TOP2A: variants seen among roughly 807,000 people sequenced by gnomAD.
TOP2A encodes the protein DNA topoisomerase II alpha.
Under a neutral mutation model 187.2 loss-of-function variants are expected in TOP2A, and 68 were observed. The ratio of observed to expected loss-of-function variants is 0.36; its 90% CI spans 0.30 to 0.44. The LOEUF (loss-of-function observed/expected upper bound fraction) is 0.44. Among genes scored for constraint, TOP2A ranks in the 20% least tolerant of loss-of-function variants. TOP2A has a pLI of 1.00. For synonymous variants in TOP2A, 542 were observed against 593.2 expected (o/e 0.91, Z 1.25); for missense variants, 1,196 against 1,808.7 (o/e 0.66, Z 6.14).
At position 40,417,734 on chromosome 17, in the gene TOP2A, C is replaced by T. The variant is rs768058603; in HGVS notation, c.21+37G>A. Reference sequence around the variant, plus strand: ...CGGCCAGAGAGATGCCCGGGCCGCGCGGAGGCTCCACCGCCAGTCCCCCCC... The same window carrying T: ...CGGCCAGAGAGATGCCCGGGCCGCGTGGAGGCTCCACCGCCAGTCCCCCCC... On this transcript the variant is annotated intron_variant, in intron 1 of 34. Coordinates refer to ENST00000423485, the MANE Select transcript of TOP2A (RefSeq NM_001067.4). 10 of 1,611,532 alleles carry T rather than the reference C, an allele frequency of 6.2e-6. No homozygotes were observed. In the African/African-American group the frequency reaches 6.7e-5, roughly 11 times the overall value.
At chr17:40,403,809 GCA>G (rs552877557) in intron 19 of TOP2A, among the ~76,000 whole-genome samples, 190 of 152,206 alleles carry the variant, frequency 1.2e-3, no homozygotes, top group African/African-American at 4.0e-3. Flanking sequence ...CAGTGTCAGT[GCA>G]CACAGTTTTA....
In TOP2A at chr17:40,413,586, AC is replaced by A; in HGVS notation, c.371del (p.Gly124ValfsTer23). 3 of 1,478,540 alleles carry A rather than the reference AC, an allele frequency of 2.0e-6. No individual in the cohort carries two copies. The highest frequency in any genetic ancestry group is 2.8e-6 in the Non-Finnish European group (3 of 1,087,124). The allele number at this position is 1,478,540 out of a possible 1,614,324, so 91.6% of individuals were successfully genotyped here. A position where few individuals can be genotyped will look rare whatever the true frequency, so the allele number is the denominator to read the frequency against. On this transcript the variant is annotated frameshift_variant, in exon 5 of 35. Transcript: ENST00000423485. LOFTEE classifies it high-confidence loss of function. ...CAACTTTGTGTTCAACAACAGGAAT[AC>A]CTTTTCCATTATTCCATATACTAAT... Reference protein sequence around the residue: ...NLISIWNNGKGIPVVEHKVEK... With the variant: ...NLISIWNNGKXIPVVEHKVEK...
intron 16 of TOP2A, among the ~76,000 whole-genome samples, chr17:40,405,735 C>T (rs763166390): frequency 3.3e-5 from 5 of 151,872 alleles, no homozygotes; most frequent in Non-Finnish European, 4.4e-5. Context: ...TTCCAAAGTA[C>T]TGGCATTACA....
chr17:40,389,634 TC>T lies in TOP2A; in HGVS notation c.4480del (p.Glu1494ArgfsTer26). On this transcript the variant is annotated frameshift_variant, in exon 35 of 35. Coordinates refer to ENST00000423485, the MANE Select transcript of TOP2A (RefSeq NM_001067.4). LOFTEE classifies it high-confidence loss of function. Reference protein sequence around the residue: ...KAVTSKKSKGESDDFHMDFDS... With the variant: ...KAVTSKKSKGXSDDFHMDFDS... ...AAAGTCCATATGGAAGTCATCACTC[TC>T]CCCCTTGGATTTCTAAAAGAGAAAA... 1 of 1,609,730 alleles carries T rather than the reference TC, an allele frequency of 6.2e-7. No individual in the cohort carries two copies. Among genetic ancestry groups the T allele is most frequent in the Admixed American group, 1.7e-5 (1 of 59,428 alleles).
At chr17:40,398,391 A>C (rs2035130397) in intron 27 of TOP2A, among the ~76,000 whole-genome samples, 167 bp downstream of exon 27, 1 of 152,164 alleles carries the variant, frequency 6.6e-6, no homozygotes, top group African/African-American at 2.4e-5. Context: ...AGCGTGAGCC[A>C]CTGCACCTGG....
chr17:40,409,334 C>T (rs913165550), intron 10 of TOP2A: 3 of 398,000 alleles, frequency 7.5e-6, no homozygotes, highest in African/African-American at 6.5e-5. Context: ...TGAGATCAAG[C>T]CACGGCACTC....
In TOP2A at chr17:40,417,811, C is replaced by T. The variant is rs1390659648; in HGVS notation, c.-20G>A. 6.2e-7 allele frequency: 1 copy of T among 1,613,468 alleles called. No individual in the cohort carries two copies. Among genetic ancestry groups the T allele is most frequent in the South Asian group, 1.1e-5 (1 of 91,052 alleles). On this transcript the variant is annotated 5_prime_UTR_variant, in exon 1 of 35. Coordinates refer to ENST00000423485, the MANE Select transcript of TOP2A (RefSeq NM_001067.4). ...TTCCATGGTGACGGTCGTGAAGGGG[C>T]TCAAGAACCCTGAAAGCGACTAAAC...
chr17:40,411,055 G>A lies in TOP2A; in HGVS notation c.1203+54C>T. 2 of 1,495,192 alleles carry A rather than the reference G, an allele frequency of 1.3e-6. No individual in the cohort carries two copies. The highest frequency in any genetic ancestry group is 2.3e-5 in the East Asian group (1 of 43,102). The allele number at this position is 1,495,192 out of a possible 1,614,324, so 92.6% of individuals were successfully genotyped here. ...CATTGTTTCTGCAGAGCTAAGAAGT[G>A]CAATGGAAAATAAAGTCAGGTGTTT... On this transcript the variant is annotated intron_variant, in intron 10 of 34. Transcript: ENST00000423485. The surrounding 1 kb of genome is among the most constrained non-coding windows in gnomAD (Gnocchi z 4.4).
At chr17:40,389,930 C>A (rs375901367) in intron 34 of TOP2A, 35 bp downstream of exon 34, 64 of 1,580,072 alleles carry the variant, frequency 4.1e-5, no homozygotes, top group Non-Finnish European at 4.9e-5. Flanking sequence ...TTCAGAACAT[C>A]TACAGCAAAA....
At chr17:40,389,933 C>A (rs1022812423) in intron 34 of TOP2A, 32 bp downstream of exon 34, 8 of 1,583,654 alleles carry the variant, frequency 5.1e-6, no homozygotes, top group African/African-American at 1.4e-5. Flanking sequence ...AGAACATCTA[C>A]AGCAAAAGGA....
Position 40,411,960 on chromosome 17 carries a change from G to A in TOP2A, c.790-142C>T. 3 of 666,564 alleles carry A rather than the reference G, an allele frequency of 4.5e-6. No individual in the cohort carries two copies. The highest frequency in any genetic ancestry group is 2.4e-6 in the Non-Finnish European group (1 of 420,684). 41.3% of individuals were successfully genotyped at this position (666,564 alleles called of 1,614,324 possible). On this transcript the variant is annotated intron_variant, in intron 7 of 34. Coordinates refer to ENST00000423485, the MANE Select transcript of TOP2A (RefSeq NM_001067.4). This position sits in a 1 kb window ranked among gnomAD's most constrained non-coding sequence, Gnocchi z 4.4. ...ATGGTCATTAAAGGACACAGGCCGA[G>A]GTGGGTGGATCACTTGAGCCCAGGA... is the stretch of plus-strand genomic sequence containing the variant.
At chr17:40,414,372 A>AT (rs1467460874) in intron 4 of TOP2A, among the ~76,000 whole-genome samples, 1 of 151,972 alleles carries the variant, frequency 6.6e-6, no homozygotes, top group Non-Finnish European at 1.5e-5. Flanking sequence ...TAATTTTTAA[A>AT]TTTTTTGTAG....
intron 20 of TOP2A, among the ~76,000 whole-genome samples, chr17:40,401,388 C>T (rs1002131053): frequency 6.6e-6 from 1 of 152,004 alleles, no homozygotes; most frequent in Non-Finnish European, 1.5e-5. Flanking sequence ...TAAGCCGTTT[C>T]TGATAGGAAA....
Position 40,396,314 on chromosome 17 carries a change from T to C in TOP2A, c.3689A>G (p.Glu1230Gly), listed in dbSNP as rs2035097504. The C allele has an allele frequency of 1.9e-6, 3 of 1,607,212 alleles. No homozygotes were observed. The highest frequency in any genetic ancestry group is 1.3e-5 in the African/African-American group (1 of 74,866). ...IPRITIEMKA[E>G]AEKKNKKKIK... ...TTTCTTTTTATTTTTCTTTTCTGCC[T>C]CTGCTTTCATTTCTATGGTTATTCG... is the stretch of plus-strand genomic sequence containing the variant. The change falls in exon 28 of 35, where the codon GAG (glutamate) becomes GGG (glycine). Residue 1230 changes from glutamate (E) to glycine (G), a missense_variant. Coordinates refer to ENST00000423485, the MANE Select transcript of TOP2A (RefSeq NM_001067.4).
At chr17:40,414,715 G>T (rs2035368664) in intron 4 of TOP2A, among the ~76,000 whole-genome samples, 1 of 151,814 alleles carries the variant, frequency 6.6e-6, no homozygotes, top group African/African-American at 2.4e-5. Context: ...AATTAGCCAG[G>T]TGTGGTGGTG....
intron 10 of TOP2A, chr17:40,410,708 G>A: frequency 2.3e-6 from 1 of 440,482 alleles, no homozygotes; most frequent in South Asian, 1.6e-5. Flanking sequence ...CCTAGAGGTT[G>A]GTTGGGGCTT....
At position 40,389,950 on chromosome 17, in the gene TOP2A, AG is replaced by A; in HGVS notation, c.4467+14del. 6.2e-7 allele frequency: 1 copy of A among 1,608,284 alleles called. No homozygotes were observed. Among genetic ancestry groups the A allele is most frequent in the Non-Finnish European group, 8.5e-7 (1 of 1,177,100 alleles). ...AACATCTACAGCAAAAGGACTGACT[AG>A]GATCAACACTCACCTTGCTTGTGAC... On this transcript the variant is annotated intron_variant, in intron 34 of 34. Coordinates refer to ENST00000423485, the MANE Select transcript of TOP2A (RefSeq NM_001067.4).
chr17:40,400,976 G>A lies in TOP2A; in HGVS notation c.2538C>T (p.Pro846=). 2 of 1,613,928 alleles carry A rather than the reference G, an allele frequency of 1.2e-6. No individual in the cohort carries two copies. The change falls in exon 21 of 35, where the codon CCC becomes CCT. Residue 846 remains proline (P), a synonymous_variant. Coordinates refer to ENST00000423485, the MANE Select transcript of TOP2A (RefSeq NM_001067.4). ...CTTCAGCACCATTTATCAGCACCATGGGAATAATAGGAATGTACCATTCAG... is the reference window on the plus strand; with the variant it reads ...CTTCAGCACCATTTATCAGCACCATAGGAATAATAGGAATGTACCATTCAG... ...VEPEWYIPII[P]MVLINGAEGI... is the part of the protein sequence containing the mutation.
Position 40,417,889 on chromosome 17 carries a change from C to A in TOP2A, c.-98G>T. Reference sequence around the variant, plus strand: ...ACCAAGCCGCTTCTCCACAGACGCGCGTCGGTTAGGAGAGCTCCACTTGAA... The same window carrying A: ...ACCAAGCCGCTTCTCCACAGACGCGAGTCGGTTAGGAGAGCTCCACTTGAA... On this transcript the variant is annotated 5_prime_UTR_variant, in exon 1 of 35. Coordinates refer to ENST00000423485, the MANE Select transcript of TOP2A (RefSeq NM_001067.4). 6.5e-7 allele frequency: 1 copy of A among 1,546,074 alleles called. No homozygotes were observed. The highest frequency in any genetic ancestry group is 1.8e-5 in the Admixed American group (1 of 54,940).
Sources: gnomAD v4.1 joint callset for allele counts (sites outside exome capture counted in the v4.1 genomes callset) on GRCh38, gnomAD v4.1.1 for gene constraint, Gnocchi (gnomAD v3.1) non-coding constraint, MANE v1.5 for transcripts, NCBI Gene and HGNC (gene_info 2026-07-23, HGNC 2026-07-21) for gene names.